NBAS: variants seen among roughly 807,000 people sequenced by gnomAD.
NBAS encodes the protein NBAS subunit of NRZ tethering complex.
A neutral mutation model predicts 302.5 loss-of-function variants in NBAS; 219 were observed. The observed-to-expected ratio is 0.72, with a 90% confidence interval of 0.65 to 0.81. NBAS has a LOEUF of 0.81. Ranked by LOEUF, NBAS falls within the 30% of genes least tolerant of loss-of-function variation. The pLI is 0.00. For missense variants in NBAS, 2,932 were observed against 2,841.6 expected, an observed-to-expected ratio of 1.03 and a Z score of -0.72; for synonymous variants, 1,118 against 1,021.6, an observed-to-expected ratio of 1.09 and a Z score of -1.80.
At chr2:15,019,799 T>A in the NBAS span, among the ~76,000 whole-genome samples, 1 of 152,084 alleles carries the variant, frequency 6.6e-6, no homozygotes, top group Non-Finnish European at 1.5e-5. Context: ...TTCCACCATA[T>A]GATGATAGGA....
the NBAS span, among the ~76,000 whole-genome samples, chr2:15,092,971 C>T: frequency 6.6e-6 from 1 of 152,112 alleles, no homozygotes; most frequent in Non-Finnish European, 1.5e-5. Context: ...TGGAATTTTT[C>T]TAAAATGTTC....
At chr2:14,961,043 T>C in the NBAS span, among the ~76,000 whole-genome samples, 85,210 of 151,772 alleles carry the variant, frequency 0.56, 24,436 homozygotes, top group East Asian at 0.76. Context: ...GGAGAAGACA[T>C]TGTTCTCCCA....
chr2:15,526,650 T>C (rs935559413), intron 9 of NBAS, among the ~76,000 whole-genome samples: 1 of 152,208 alleles, frequency 6.6e-6, no homozygotes, highest in African/African-American at 2.4e-5. Flanking sequence ...CTCCTTGCTT[T>C]ACAACAATCT....
chr2:15,490,353 C>T (rs1680803477), intron 11 of NBAS, among the ~76,000 whole-genome samples: 1 of 152,086 alleles, frequency 6.6e-6, no homozygotes, highest in Admixed American at 6.5e-5. Flanking sequence ...ACTAAAATTA[C>T]TTTAACTAGA....
the NBAS span, among the ~76,000 whole-genome samples, chr2:14,959,371 T>C: frequency 6.6e-6 from 1 of 152,232 alleles, no homozygotes; most frequent in Non-Finnish European, 1.5e-5. Flanking sequence ...CTCCATGGCA[T>C]CTGCCTTCTC....
intron 16 of NBAS, among the ~76,000 whole-genome samples, chr2:15,470,530 G>T (rs1197461640): frequency 1.3e-5 from 2 of 152,154 alleles, no homozygotes; most frequent in Non-Finnish European, 2.9e-5. Flanking sequence ...GAATAAAACA[G>T]ATTTAGTCAC....
intron 44 of NBAS, among the ~76,000 whole-genome samples, chr2:15,273,464 A>G (rs1405760849): frequency 6.6e-6 from 1 of 152,166 alleles, no homozygotes; most frequent in Non-Finnish European, 1.5e-5. Context: ...TGCTTGTTCT[A>G]TGACTTCTTA....
At chr2:14,844,418 G>A in the NBAS span, among the ~76,000 whole-genome samples, 3 of 152,176 alleles carry the variant, frequency 2.0e-5, no homozygotes, top group Admixed American at 2.0e-4. Flanking sequence ...GTTCATCGAG[G>A]GCCTTGGGTG....
the NBAS span, among the ~76,000 whole-genome samples, chr2:14,815,736 A>T: frequency 1.1e-4 from 16 of 152,144 alleles, no homozygotes; most frequent in Non-Finnish European, 2.2e-4. Flanking sequence ...AGGACATATT[A>T]ATCTGGAGGA....
At chr2:15,058,902 G>A in the NBAS span, among the ~76,000 whole-genome samples, 1 of 152,124 alleles carries the variant, frequency 6.6e-6, no homozygotes, top group Non-Finnish European at 1.5e-5. Context: ...AATCCCTTAG[G>A]TTTCCTTCTG....
intron 1 of NBAS, among the ~76,000 whole-genome samples, chr2:15,560,420 C>T (rs1457889135): frequency 1.3e-5 from 2 of 152,128 alleles, no homozygotes; most frequent in Non-Finnish European, 2.9e-5. Context: ...GTCAGCAGCT[C>T]TTTACTCTGC....
At chr2:14,898,404 A>G in the NBAS span, among the ~76,000 whole-genome samples, 1 of 152,222 alleles carries the variant, frequency 6.6e-6, no homozygotes, top group African/African-American at 2.4e-5. Flanking sequence ...ATACCCATTA[A>G]AAACAACAAA....
chr2:15,076,082 C>T, the NBAS span, among the ~76,000 whole-genome samples: 2 of 152,162 alleles, frequency 1.3e-5, no homozygotes, highest in Non-Finnish European at 2.9e-5. Context: ...ATAAGCACCT[C>T]TATTTGAACA....
the NBAS span, among the ~76,000 whole-genome samples, chr2:14,923,639 C>T: frequency 8.5e-5 from 13 of 152,126 alleles, no homozygotes; most frequent in Non-Finnish European, 1.2e-4. Context: ...CATTTCACAA[C>T]GTAGGACATG....
the NBAS span, among the ~76,000 whole-genome samples, chr2:14,835,463 C>A: frequency 6.6e-6 from 1 of 152,034 alleles, no homozygotes; most frequent in East Asian, 1.9e-4. Flanking sequence ...ACAACCACAT[C>A]CCTTCCTCCT....
the NBAS span, among the ~76,000 whole-genome samples, chr2:14,836,323 G>T: frequency 6.6e-6 from 1 of 151,614 alleles, no homozygotes; most frequent in Non-Finnish European, 1.5e-5. Context: ...TTATCTCATG[G>T]TTAATGCTTT....
the NBAS span, among the ~76,000 whole-genome samples, chr2:14,912,873 A>G: frequency 6.6e-6 from 1 of 152,184 alleles, no homozygotes; most frequent in Admixed American, 6.5e-5. Flanking sequence ...ATTTTAAACA[A>G]CGCAAGGCAT....
chr2:15,160,383 C>A, the NBAS span, among the ~76,000 whole-genome samples: 1 of 152,164 alleles, frequency 6.6e-6, no homozygotes, highest in African/African-American at 2.4e-5. Context: ...TGAGCAAGAT[C>A]CCTACGCATG....
At chr2:15,193,339 T>C (rs1040897811) in intron 48 of NBAS, among the ~76,000 whole-genome samples, 1 of 152,182 alleles carries the variant, frequency 6.6e-6, no homozygotes, top group Non-Finnish European at 1.5e-5. Flanking sequence ...GTCAAGTTAC[T>C]CAGCTCTTAA....
Sources: gnomAD v4.1 joint callset for allele counts (sites outside exome capture counted in the v4.1 genomes callset) on GRCh38, gnomAD v4.1.1 for gene constraint, MANE v1.5 for transcripts, NCBI Gene and HGNC (gene_info 2026-07-23, HGNC 2026-07-21) for gene names.